Variants in ARSK observed in about 807,000 individuals in gnomAD.
The protein encoded by ARSK is arylsulfatase K.
A neutral mutation model predicts 53.2 loss-of-function variants in ARSK; 37 were observed. The ratio of observed to expected loss-of-function variants is 0.70; its 90% CI spans 0.54 to 0.92. The LOEUF (loss-of-function observed/expected upper bound fraction) is 0.92. Ranked by LOEUF, ARSK falls within the 40% of genes least tolerant of loss-of-function variation. The probability of loss-of-function intolerance (pLI) is 0.00; values close to 1 mark genes in which losing one functional copy is unlikely to be tolerated. For synonymous variants in ARSK, 208 were observed against 223.2 expected (o/e 0.93, Z 0.61); for missense variants, 613 against 643.0 (o/e 0.95, Z 0.51).
Position 95,603,334 on chromosome 5 carries a change from C to T in ARSK, c.1419C>T (p.Tyr473=), listed in dbSNP as rs1254693483. The T allele has an allele frequency of 6.2e-7, 1 of 1,612,116 alleles. No individual in the cohort carries two copies. Among genetic ancestry groups the T allele is most frequent in the African/African-American group, 1.3e-5 (1 of 74,816 alleles). Residue 473 remains tyrosine (Y), a synonymous_variant, in exon 8 of 8, where the codon TAC becomes TAT. Transcript: ENST00000380009. ...AGAAGCTTCATTCCATTATAAACTA[C>T]CCTAAAGTTTCTGCTTCTGTCCACC... ...LDQKLHSIIN[Y]PKVSASVHQY... is the part of the protein sequence containing the mutation.
rs1278126932 is a variant in ARSK at position 95,566,030 on chromosome 5, G to T, written c.159G>T (p.Gln53His). Residue 53 changes from glutamine to histidine, a missense_variant, in exon 2 of 8, where the codon CAG becomes CAT. Physicochemically the swap from Gln to His is conservative, Grantham distance 24. Transcript: ENST00000380009. Reference protein sequence around the residue: ...DGRLTFHPGSQVVKLPFINFM... With the variant: ...DGRLTFHPGSHVVKLPFINFM... The stretch of plus-strand genomic sequence containing the variant: ...GGTTAACATTTCATCCAGGAAGTCA[G>T]GTAGTGAAACTTCCTTTTATCAACT... 6.2e-7 allele frequency: 1 copy of T among 1,612,776 alleles called. No individual in the cohort carries two copies. Among genetic ancestry groups the T allele is most frequent in the South Asian group, 1.1e-5 (1 of 90,740 alleles).
At chr5:95,567,419 A>G (rs919991913) in intron 2 of ARSK, among the ~76,000 whole-genome samples, 1 of 152,218 alleles carries the variant, frequency 6.6e-6, no homozygotes, top group Non-Finnish European at 1.5e-5. Context: ...AAACAATCAT[A>G]GTTGTAGAAA....
intron 1 of ARSK, among the ~76,000 whole-genome samples, chr5:95,557,282 C>T (rs1250575631): frequency 1.3e-5 from 2 of 151,974 alleles, no homozygotes; most frequent in Non-Finnish European, 2.9e-5. Flanking sequence ...TAGACCTTTC[C>T]AGTGGACAAA....
At chr5:95,585,038 C>G (rs1749089239) in intron 4 of ARSK, among the ~76,000 whole-genome samples, 1 of 152,042 alleles carries the variant, frequency 6.6e-6, no homozygotes, top group Non-Finnish European at 1.5e-5. Context: ...ATAGACAGTT[C>G]TCAAAAGAAG....
chr5:95,583,270 C>A, intron 4 of ARSK, 72 bp downstream of exon 4: 1 of 1,284,720 alleles, frequency 7.8e-7, no homozygotes, highest in Non-Finnish European at 1.0e-6. Context: ...CTCATTGTTT[C>A]TTTTATTATC....
rs758196521 is a variant in ARSK, at chr5:95,603,425, G to A, written c.1510G>A (p.Ala504Thr). The part of the protein sequence containing the change: ...SIGQNYSNVI[A>T]NLRWHQDWQK... ...AGGACAGAATTATTCAAACGTTATA[G>A]CAAATCTTAGGTGGCACCAAGACTG... is the stretch of plus-strand genomic sequence containing the variant. Residue 504 changes from alanine (A) to threonine (T), a missense_variant, in exon 8 of 8, where the codon GCA becomes ACA. Ala to Thr is a moderately conservative substitution (Grantham distance 58). Transcript: ENST00000380009. 28 of 1,613,586 alleles carry A rather than the reference G, an allele frequency of 1.7e-5. No individual in the cohort carries two copies. The highest frequency in any genetic ancestry group is 2.2e-5 in the Non-Finnish European group (26 of 1,179,794).
chr5:95,559,282 C>G (rs898684265), intron 1 of ARSK, among the ~76,000 whole-genome samples: 8 of 152,188 alleles, frequency 5.3e-5, no homozygotes, highest in Non-Finnish European at 7.3e-5. Context: ...TCCATATTCA[C>G]AGGTTCTGAA....
intron 5 of ARSK, among the ~76,000 whole-genome samples, chr5:95,588,418 G>A (rs1749158285): frequency 6.6e-6 from 1 of 151,694 alleles, no homozygotes; most frequent in Admixed American, 6.6e-5. Flanking sequence ...TGTATTTTTA[G>A]TAGAGACGGG....
intron 6 of ARSK, chr5:95,600,622 C>G (rs1298384195): frequency 3.0e-6 from 2 of 664,630 alleles, no homozygotes; most frequent in African/African-American, 1.8e-5. Flanking sequence ...CCCCTTCTTA[C>G]AGATGAGAAA....
At chr5:95,572,772 C>T (rs920431031) in intron 3 of ARSK, among the ~76,000 whole-genome samples, 1 of 144,976 alleles carries the variant, frequency 6.9e-6, no homozygotes, top group African/African-American at 2.8e-5. Flanking sequence ...AGCGAGACTC[C>T]GTCTCAAAAA....
chr5:95,584,233 T>A (rs1696047578), intron 4 of ARSK, among the ~76,000 whole-genome samples: 1 of 152,238 alleles, frequency 6.6e-6, no homozygotes, highest in Non-Finnish European at 1.5e-5. Flanking sequence ...ATGTACCAGA[T>A]AACTAATCAC....
intron 3 of ARSK, among the ~76,000 whole-genome samples, chr5:95,581,148 A>G (rs1749015214): frequency 6.6e-6 from 1 of 152,224 alleles, no homozygotes; most frequent in South Asian, 2.1e-4. Context: ...TTATTTAGTT[A>G]TAAAGCCAAG....
rs147168858 is a variant in ARSK at position 95,566,121 on chromosome 5, C to T, written c.250C>T (p.Arg84Cys). The change falls in exon 2 of 8, where the codon CGC (arginine) becomes TGC (cysteine). Residue 84 changes from arginine (R) to cysteine (C), a missense_variant. By Grantham distance (180) the Arg-to-Cys change is radical (BLOSUM62 -3). Coordinates refer to ENST00000380009, the MANE Select transcript of ARSK (RefSeq NM_198150.3). ...YTNSPICCPS[R>C]AAMWSGLFTH... is the part of the protein sequence containing the mutation. ...AAACTCTCCAATTTGTTGCCCATCA[C>T]GCGCAGGTATGAACATCCTTAATAT... The T allele has an allele frequency of 2.5e-5, 41 of 1,613,134 alleles. No homozygotes were observed. The highest frequency in any genetic ancestry group is 8.0e-5 in the African/African-American group (6 of 74,860).
chr5:95,557,440 G>A (rs1748543072), intron 1 of ARSK, among the ~76,000 whole-genome samples: 1 of 152,102 alleles, frequency 6.6e-6, no homozygotes, highest in Non-Finnish European at 1.5e-5. Flanking sequence ...TGGTCTAAAT[G>A]CATTAATGCA....
At chr5:95,596,704 T>C (rs192555058) in intron 6 of ARSK, among the ~76,000 whole-genome samples, 160 of 152,212 alleles carry the variant, frequency 1.1e-3, no homozygotes, top group African/African-American at 3.7e-3. Context: ...CTACCTTCAA[T>C]AGAAAGAAAC....
At position 95,583,571 on chromosome 5, in the gene ARSK, T is replaced by A. The variant is rs534485264; in HGVS notation, c.699+373T>A. The stretch of plus-strand genomic sequence containing the variant: ...GGAAAATGACCATTTTCTGGCACTT[T>A]TAAAAACATTTATCAAAATATTTTG... On this transcript the variant is annotated intron_variant, in intron 4 of 7. Transcript: ENST00000380009. Among the ~76,000 whole-genome samples the A allele has an allele frequency of 4.7e-4, 72 of 152,252 alleles. No individual in the cohort carries two copies. In the South Asian group the frequency reaches 6.0e-3, roughly 13 times the overall value.
At chr5:95,574,575 CA>C (rs1483807458) in intron 3 of ARSK, among the ~76,000 whole-genome samples, 1 of 152,148 alleles carries the variant, frequency 6.6e-6, no homozygotes. Context: ...TTTTGATTTG[CA>C]TTTCTCTAAT....
chr5:95,603,133 G>GA (rs1462972815), intron 7 of ARSK, 104 bp from the exon 8 acceptor site: 1 of 940,702 alleles, frequency 1.1e-6, no homozygotes, highest in Non-Finnish European at 1.5e-6. Context: ...AACAGGAACT[G>GA]AAAATCTAAA....
At position 95,603,448 on chromosome 5, in the gene ARSK, C is replaced by G. The variant is rs372342249; in HGVS notation, c.1533C>G (p.Asp511Glu). The change falls in exon 8 of 8, where the codon GAC (aspartate) becomes GAG (glutamate). Residue 511 changes from aspartate (D) to glutamate (E), a missense_variant. By Grantham distance (45) the Asp-to-Glu change is conservative. Transcript: ENST00000380009. ...NVIANLRWHQ[D>E]WQKEPRKYEN... ...TAGCAAATCTTAGGTGGCACCAAGA[C>G]TGGCAGAAGGAACCAAGGAAGTATG... 1.2e-6 allele frequency: 2 copies of G among 1,613,470 alleles called. No homozygotes were observed. The highest frequency in any genetic ancestry group is 2.7e-5 in the African/African-American group (2 of 74,890).
Sources: gnomAD v4.1 joint callset for allele counts (sites outside exome capture counted in the v4.1 genomes callset) on GRCh38, gnomAD v4.1.1 for gene constraint, MANE v1.5 for transcripts, NCBI Gene and HGNC (gene_info 2026-07-23, HGNC 2026-07-21) for gene names.